The following ERCC8 variants were observed in gnomAD, a reference collection of about 807,000 sequenced individuals.
ERCC8 encodes DNA excision repair protein ERCC-8.
ERCC8 carries 52 observed loss-of-function variants against 54.9 expected under a neutral mutation model. The observed-to-expected ratio is 0.95, with a 90% confidence interval of 0.76 to 1.19. The LOEUF is 1.19. Among genes scored for constraint, ERCC8 ranks in the 50% most tolerant of loss-of-function variants. The probability of loss-of-function intolerance (pLI) is 0.00; values close to 1 mark genes in which losing one functional copy is unlikely to be tolerated. For missense variants in ERCC8, 514 were observed against 466.1 expected, an observed-to-expected ratio of 1.10 and a Z score of -0.95; for synonymous variants, 146 against 157.2, an observed-to-expected ratio of 0.93 and a Z score of 0.53.
chr5:60,892,199 G>C, intron 9 of ERCC8: 1 of 527,674 alleles, frequency 1.9e-6, no homozygotes, highest in Non-Finnish European at 3.8e-6. Context: ...ATGACGATTC[G>C]GATTGGTGCA....
chr5:60,923,460 G>T (rs1443099694), intron 2 of ERCC8, among the ~76,000 whole-genome samples: 1 of 151,660 alleles, frequency 6.6e-6, no homozygotes, highest in Non-Finnish European at 1.5e-5. Flanking sequence ...TTTAAATCTG[G>T]AGTTGTTGAC....
intron 9 of ERCC8, among the ~76,000 whole-genome samples, chr5:60,896,135 G>A (rs976572244): frequency 2.0e-5 from 3 of 150,794 alleles, no homozygotes; most frequent in Non-Finnish European, 4.4e-5. Flanking sequence ...ACAGGCATGC[G>A]CCACCATGCC....
At chr5:60,918,170 A>G in intron 4 of ERCC8, 95 bp downstream of exon 4, 1 of 979,062 alleles carries the variant, frequency 1.0e-6, no homozygotes, top group African/African-American at 1.6e-5. Context: ...CATCTAACAT[A>G]TATGACATCT....
intron 4 of ERCC8, among the ~76,000 whole-genome samples, chr5:60,905,333 CT>C (rs1749041038): frequency 6.6e-6 from 1 of 152,308 alleles, no homozygotes; most frequent in South Asian, 2.1e-4. Context: ...GCTTTTCCCC[CT>C]CCAAATACTC....
intron 4 of ERCC8, among the ~76,000 whole-genome samples, chr5:60,912,170 A>C (rs547739285): frequency 1.3e-5 from 2 of 152,052 alleles, no homozygotes; most frequent in Non-Finnish European, 2.9e-5. Flanking sequence ...TCAATCTATA[A>C]ATTACCTTGG....
rs1345173375 is a variant in ERCC8 at position 60,869,443 on chromosome 5, C to T, written c.*5172G>A. On this transcript the variant is annotated 3_prime_UTR_variant, in exon 12 of 12. Transcript: ENST00000676185. ...GCTCTACAAACCTATGTGTCTCTTA[C>T]TGAAGAGCTTCGTTTTGAAATTACT... 1.3e-5 allele frequency among the ~76,000 whole-genome samples: 2 copies of T among 152,162 alleles called. No homozygotes were observed. The highest frequency in any genetic ancestry group is 2.9e-5 in the Non-Finnish European group (2 of 68,024).
intron 4 of ERCC8, among the ~76,000 whole-genome samples, chr5:60,916,052 T>C (rs1235503023): frequency 6.6e-6 from 1 of 152,028 alleles, no homozygotes; most frequent in Non-Finnish European, 1.5e-5. Flanking sequence ...TCCAGTACCA[T>C]GTGACTGGGG....
chr5:60,940,869 C>T (rs1016984631), intron 1 of ERCC8, among the ~76,000 whole-genome samples: 10 of 152,270 alleles, frequency 6.6e-5, no homozygotes, highest in East Asian at 3.9e-4. Context: ...TTCAAAATGT[C>T]CAGGATGCAA....
In ERCC8 at chr5:60,868,603, T is replaced by C. The variant is rs1461646641; in HGVS notation, c.*6012A>G. The stretch of plus-strand genomic sequence containing the variant: ...AGAAGCCACATGGCAGCAAAAGAAG[T>C]ATGCCTTCTGTATCTGAGGATGTTG... On this transcript the variant is annotated 3_prime_UTR_variant, in exon 12 of 12. Coordinates refer to ENST00000676185, the MANE Select transcript of ERCC8 (RefSeq NM_000082.4). Among the ~76,000 whole-genome samples the C allele has an allele frequency of 1.3e-5, 2 of 152,202 alleles. No homozygotes were observed. The highest frequency in any genetic ancestry group is 4.8e-5 in the African/African-American group (2 of 41,452).
intron 1 of ERCC8, among the ~76,000 whole-genome samples, chr5:60,936,358 G>GT (rs1750066077): frequency 6.6e-6 from 1 of 152,078 alleles, no homozygotes; most frequent in African/African-American, 2.4e-5. Context: ...AGTAAGGGTT[G>GT]TAATATCTCC....
chr5:60,891,081 G>A lies in ERCC8; in HGVS notation c.849C>T (p.Asn283=), dbSNP rs183505264. The A allele has an allele frequency of 2.0e-5, 32 of 1,598,914 alleles. No individual in the cohort carries two copies. The highest frequency in any genetic ancestry group is 2.0e-4 in the Middle Eastern group (1 of 4,922). The change falls in exon 10 of 12, where the codon AAC becomes AAT. Residue 283 remains asparagine (N), a synonymous_variant. Coordinates refer to ENST00000676185, the MANE Select transcript of ERCC8 (RefSeq NM_000082.4). ...TACTGTTATTACAAACTTTTCCATA[G>A]TTCACCTGTAGGATTAAAATAATAA... ...NSSNGENTLV[N]YGKVCNNSKK...
At chr5:60,933,188 T>C (rs1051238959) in intron 1 of ERCC8, among the ~76,000 whole-genome samples, 2 of 151,430 alleles carry the variant, frequency 1.3e-5, no homozygotes, top group South Asian at 2.1e-4. Context: ...TGTATGTATA[T>C]CTATGTATGC....
intron 7 of ERCC8, among the ~76,000 whole-genome samples, chr5:60,900,285 A>C (rs1337072735): frequency 6.6e-6 from 1 of 152,026 alleles, no homozygotes; most frequent in Non-Finnish European, 1.5e-5. Context: ...TGTCTCCTAG[A>C]AATTAGACAC....
At chr5:60,927,987 T>C (rs1319149038) in intron 2 of ERCC8, among the ~76,000 whole-genome samples, 3 of 152,216 alleles carry the variant, frequency 2.0e-5, no homozygotes, top group African/African-American at 7.2e-5. Flanking sequence ...GGGGAAATGC[T>C]AAACATACCA....
In ERCC8 at chr5:60,922,080, T is replaced by G. The variant is rs1173847379; in HGVS notation, c.249A>C (p.Thr83=). 4 of 1,608,912 alleles carry G rather than the reference T, an allele frequency of 2.5e-6. No individual in the cohort carries two copies. Among genetic ancestry groups the G allele is most frequent in the Non-Finnish European group, 3.4e-6 (4 of 1,176,216 alleles). ...LENSSRQSYY[T]CKAVCSIGRD... Reference sequence around the variant, plus strand: ...TGCCAATGGAACACACTGCTTTACATGTGTAATAAGATTGTCTGCTGGAGT... The same window carrying G: ...TGCCAATGGAACACACTGCTTTACAGGTGTAATAAGATTGTCTGCTGGAGT... Residue 83 remains threonine, a synonymous_variant, in exon 3 of 12, where the codon ACA becomes ACC. Coordinates refer to ENST00000676185, the MANE Select transcript of ERCC8 (RefSeq NM_000082.4).
intron 1 of ERCC8, among the ~76,000 whole-genome samples, chr5:60,943,333 C>A (rs1750320769): frequency 6.6e-6 from 1 of 152,140 alleles, no homozygotes; most frequent in South Asian, 2.1e-4. Flanking sequence ...AAGCAATCCT[C>A]ACTTGGCACA....
In ERCC8 at chr5:60,902,478, C is replaced by T. The variant is rs765986851; in HGVS notation, c.581G>A (p.Trp194Ter). 9 of 1,612,338 alleles carry T rather than the reference C, an allele frequency of 5.6e-6. No individual in the cohort carries two copies. The highest frequency in any genetic ancestry group is 1.7e-5 in the Admixed American group (1 of 59,972). Reference sequence around the variant, plus strand: ...CAAGATATAGTCATAACGTGGAGACCAGGAAACTGCTAATATTTCTTGTCT... The same window carrying T: ...CAAGATATAGTCATAACGTGGAGACTAGGAAACTGCTAATATTTCTTGTCT... ...GHRQEILAVS[W>*]SPRYDYILAT... The change falls in exon 7 of 12, where the codon TGG becomes TAG. Residue 194 changes from tryptophan (W) to a stop codon, truncating the protein, a stop_gained. Transcript: ENST00000676185. LOFTEE classifies it high-confidence loss of function.
At chr5:60,911,746 C>T (rs1749272328) in intron 4 of ERCC8, among the ~76,000 whole-genome samples, 1 of 133,074 alleles carries the variant, frequency 7.5e-6, no homozygotes, top group African/African-American at 2.8e-5. Context: ...AGTCTTTAAT[C>T]CATCTTGAAT....
chr5:60,890,104 T>C (rs1429454896), intron 10 of ERCC8, among the ~76,000 whole-genome samples: 1 of 152,146 alleles, frequency 6.6e-6, no homozygotes, highest in Non-Finnish European at 1.5e-5. Context: ...ATGTACTGGC[T>C]GAAAAATCAG....
Sources: allele counts gnomAD v4.1 joint callset (sites outside exome capture counted in the v4.1 genomes callset), GRCh38; gene constraint gnomAD v4.1.1; transcripts MANE v1.5; gene names NCBI Gene and HGNC (gene_info 2026-07-23, HGNC 2026-07-21).